Variants in ADGRB3 observed in about 807,000 individuals in gnomAD.
ADGRB3 encodes adhesion G protein-coupled receptor B3, also known as brain-specific angiogenesis inhibitor 3.
Under a neutral mutation model 193.4 loss-of-function variants are expected in ADGRB3, and 37 were observed. The observed-to-expected ratio is 0.19, with a 90% CI of 0.15 to 0.25. The LOEUF is 0.25. Ranked by LOEUF, ADGRB3 falls within the 10% of genes least tolerant of loss-of-function variation. The pLI, the probability that ADGRB3 is intolerant of heterozygous loss-of-function variation, is 1.00. For missense variants in ADGRB3, 1,637 were observed against 1,852.9 expected, an observed-to-expected ratio of 0.88 and a Z score of 2.14; for synonymous variants, 690 against 644.2, an observed-to-expected ratio of 1.07 and a Z score of -1.08.
intron 17 of ADGRB3, among the ~76,000 whole-genome samples, chr6:69,152,218 A>G (rs948947076): frequency 6.6e-6 from 1 of 152,160 alleles, no homozygotes; most frequent in African/African-American, 2.4e-5. Flanking sequence ...TCTAATTTTT[A>G]TGTTTCAAAA....
At chr6:68,968,518 G>T (rs1316642881) in intron 8 of ADGRB3, among the ~76,000 whole-genome samples, 1 of 152,124 alleles carries the variant, frequency 6.6e-6, no homozygotes, top group Non-Finnish European at 1.5e-5. Flanking sequence ...AAGGAAATTT[G>T]AATTTCAAAG....
chr6:69,112,370 A>G (rs1047057255), intron 17 of ADGRB3, among the ~76,000 whole-genome samples: 1 of 152,200 alleles, frequency 6.6e-6, no homozygotes. Context: ...TTTCGTTCAC[A>G]TCCTATTGAC....
chr6:68,897,969 T>G (rs1766286950), intron 3 of ADGRB3, among the ~76,000 whole-genome samples: 1 of 147,352 alleles, frequency 6.8e-6, no homozygotes, highest in Non-Finnish European at 1.5e-5. Flanking sequence ...TAATAATAAT[T>G]ATATATAATA....
chr6:68,749,278 G>A (rs1191784667), intron 3 of ADGRB3, among the ~76,000 whole-genome samples: 1 of 152,142 alleles, frequency 6.6e-6, no homozygotes, highest in African/African-American at 2.4e-5. Flanking sequence ...TAGTCAGGCT[G>A]TAAATTTTCC....
At chr6:69,319,648 T>G (rs1380877063) in intron 20 of ADGRB3, among the ~76,000 whole-genome samples, 2 of 151,428 alleles carry the variant, frequency 1.3e-5, no homozygotes, top group African/African-American at 4.8e-5. Context: ...GTTCCTTCTG[T>G]ATCTTCTTTG....
chr6:68,962,881 A>ATC (rs754658253), intron 8 of ADGRB3, among the ~76,000 whole-genome samples: 70 of 151,944 alleles, frequency 4.6e-4, no homozygotes, highest in Admixed American at 1.1e-3. Context: ...TCTTTTGTTG[A>ATC]TCTCTCTCTC....
chr6:68,661,692 G>T (rs1312120980), intron 3 of ADGRB3, among the ~76,000 whole-genome samples: 1 of 150,296 alleles, frequency 6.7e-6, no homozygotes, highest in Admixed American at 6.7e-5. Context: ...AGGCGCTTTT[G>T]ATTTTAATCT....
At chr6:68,875,201 C>CTTCCTT (rs1359590521) in intron 3 of ADGRB3, among the ~76,000 whole-genome samples, 3 of 100,592 alleles carry the variant, frequency 3.0e-5, no homozygotes, top group African/African-American at 7.7e-5. Flanking sequence ...TCCTTCCTTC[C>CTTCCTT]CCCGGCCCCT....
intron 10 of ADGRB3, among the ~76,000 whole-genome samples, chr6:68,991,833 G>A (rs770726203): frequency 1.3e-5 from 2 of 152,098 alleles, no homozygotes; most frequent in Non-Finnish European, 2.9e-5. Context: ...TTAATATATA[G>A]ATCTATTTTT....
At chr6:69,002,202 C>T (rs1307178320) in intron 11 of ADGRB3, among the ~76,000 whole-genome samples, 1 of 149,160 alleles carries the variant, frequency 6.7e-6, no homozygotes, top group Non-Finnish European at 1.5e-5. Flanking sequence ...GTAATTTCAA[C>T]AAAACCAAGC....
intron 17 of ADGRB3, among the ~76,000 whole-genome samples, chr6:69,228,134 G>A (rs1047836526): frequency 2.0e-5 from 3 of 152,146 alleles, no homozygotes; most frequent in African/African-American, 4.8e-5. Flanking sequence ...GCATGTGCCT[G>A]TAATCCCAGC....
At chr6:69,052,967 CTT>C (rs2150303863) in intron 15 of ADGRB3, among the ~76,000 whole-genome samples, 1 of 152,266 alleles carries the variant, frequency 6.6e-6, no homozygotes, top group East Asian at 1.9e-4. Flanking sequence ...GGGTGGATGA[CTT>C]GAGGTCATGC....
chr6:69,248,939 A>G (rs748860841), intron 20 of ADGRB3, among the ~76,000 whole-genome samples: 4 of 152,230 alleles, frequency 2.6e-5, no homozygotes, highest in South Asian at 2.1e-4. Flanking sequence ...GGCTTCTGCC[A>G]AGATGAAAAG....
chr6:69,263,498 G>T (rs1376042873), intron 20 of ADGRB3, among the ~76,000 whole-genome samples: 1 of 152,010 alleles, frequency 6.6e-6, no homozygotes, highest in Non-Finnish European at 1.5e-5. Flanking sequence ...TAACAGCACA[G>T]TGTTGGACAG....
chr6:68,670,850 G>C (rs1768936632), intron 3 of ADGRB3, among the ~76,000 whole-genome samples: 1 of 151,966 alleles, frequency 6.6e-6, no homozygotes, highest in Admixed American at 6.6e-5. Flanking sequence ...GCTTTGAGTA[G>C]TATGGACATT....
chr6:69,183,714 A>G lies in ADGRB3; in HGVS notation c.2481-49576A>G, dbSNP rs373740211. ...ATGTTAACCTTAAATTACAAATTAC[A>G]TCTTTAAATTTTAACTTCTCTCAGA... On this transcript the variant is annotated intron_variant, in intron 17 of 31. Transcript: ENST00000370598. Among the ~76,000 whole-genome samples the G allele has an allele frequency of 3.3e-5, 5 of 152,142 alleles. No individual in the cohort carries two copies. The East Asian group carries it at 7.7e-4, about 23-fold the overall frequency.
At chr6:68,668,780 G>T (rs76950116) in intron 3 of ADGRB3, among the ~76,000 whole-genome samples, 3,383 of 151,858 alleles carry the variant, frequency 0.022, 62 homozygotes, top group South Asian at 0.074. Context: ...AGAACCTCGA[G>T]TTTCTTTTCT....
intron 15 of ADGRB3, among the ~76,000 whole-genome samples, chr6:69,054,654 T>A (rs1275186766): frequency 6.6e-6 from 1 of 152,178 alleles, no homozygotes; most frequent in African/African-American, 2.4e-5. Flanking sequence ...CTTAGTGCGT[T>A]ATTTTTTAAA....
intron 13 of ADGRB3, among the ~76,000 whole-genome samples, chr6:69,018,977 T>C (rs1189262384): frequency 6.6e-6 from 1 of 151,978 alleles, no homozygotes; most frequent in Non-Finnish European, 1.5e-5. Flanking sequence ...CACTTGAGAA[T>C]AACTTCCAGG....
Sources: gnomAD v4.1 joint callset for allele counts (sites outside exome capture counted in the v4.1 genomes callset) on GRCh38, gnomAD v4.1.1 for gene constraint, MANE v1.5 for transcripts, NCBI Gene and HGNC (gene_info 2026-07-23, HGNC 2026-07-21) for gene names.